XPO1: variants seen among roughly 807,000 people sequenced by gnomAD.
The protein encoded by XPO1 is exportin 1.
Under a neutral mutation model 133.3 loss-of-function variants are expected in XPO1, and 5 were observed. That is an observed-to-expected ratio of 0.04 (90% CI 0.02 to 0.08). The LOEUF is 0.08. Ranked by LOEUF, XPO1 falls within the 10% of genes least tolerant of loss-of-function variation. The pLI, the probability that XPO1 is intolerant of heterozygous loss-of-function variation, is 1.00. For missense variants in XPO1, 506 were observed against 1,267.5 expected (o/e 0.40, Z 9.12); for synonymous variants, 419 against 408.2 (o/e 1.03, Z -0.32).
chr2:61,491,229 G>A (rs1300611841), intron 16 of XPO1, among the ~76,000 whole-genome samples: 1 of 151,974 alleles, frequency 6.6e-6, no homozygotes, highest in Non-Finnish European at 1.5e-5. Context: ...TTGGGAGGCC[G>A]AGGCGGGCGG....
At chr2:61,501,928 T>A (rs1457800476) in intron 6 of XPO1, 68 bp downstream of exon 6, 2 of 1,325,328 alleles carry the variant, frequency 1.5e-6, no homozygotes, top group Non-Finnish European at 2.1e-6. Flanking sequence ...ATTTCCTAAG[T>A]AGGTCGAACA....
chr2:61,536,992 G>T (rs1253786342), intron 1 of XPO1: 2 of 152,232 alleles, frequency 1.3e-5, no homozygotes, highest in Non-Finnish European at 2.9e-5. Flanking sequence ...CCCATGTGCA[G>T]GCCCCTGAAA....
chr2:61,502,336 A>T, intron 4 of XPO1, 26 bp from the exon 5 acceptor site: 1 of 1,601,716 alleles, frequency 6.2e-7, no homozygotes, highest in Non-Finnish European at 8.5e-7. Context: ...CACGTAATAA[A>T]AAAATTGTTG....
intron 9 of XPO1, among the ~76,000 whole-genome samples, chr2:61,497,734 C>T (rs893026580): frequency 7.2e-5 from 11 of 152,036 alleles, no homozygotes; most frequent in Admixed American, 1.3e-4. Flanking sequence ...AAACAGTTAT[C>T]GTCTGGGGTT....
intron 21 of XPO1, chr2:61,483,462 C>A (rs1005722405): frequency 3.0e-5 from 6 of 196,932 alleles, no homozygotes; most frequent in Non-Finnish European, 6.1e-5. Context: ...TCATACTGCT[C>A]ACATGACAGG....
intron 10 of XPO1, among the ~76,000 whole-genome samples, 200 bp from the exon 11 acceptor site, chr2:61,495,813 G>C (rs147833113): frequency 6.6e-6 from 1 of 151,956 alleles, no homozygotes; most frequent in South Asian, 2.1e-4. Flanking sequence ...GGAACCACAG[G>C]TATGTGCCAT....
intron 4 of XPO1, among the ~76,000 whole-genome samples, chr2:61,516,025 C>T (rs1698370485): frequency 6.7e-6 from 1 of 150,228 alleles, no homozygotes; most frequent in South Asian, 2.1e-4. Context: ...ACTCAGGAGG[C>T]TGAGGCAGAA....
intron 4 of XPO1, among the ~76,000 whole-genome samples, chr2:61,511,010 G>GTAT (rs1351215211): frequency 1.3e-5 from 2 of 151,776 alleles, no homozygotes; most frequent in East Asian, 3.9e-4. Flanking sequence ...TCAAGTATAG[G>GTAT]CCTTTCATGG....
intron 11 of XPO1, among the ~76,000 whole-genome samples, chr2:61,494,905 G>C (rs1041295016): frequency 6.6e-6 from 1 of 151,696 alleles, no homozygotes; most frequent in African/African-American, 2.4e-5. Flanking sequence ...GCAGTACTGT[G>C]ATCTTGGCTC....
At chr2:61,481,686 C>CT (rs1307294752) in intron 23 of XPO1, among the ~76,000 whole-genome samples, 1 of 151,888 alleles carries the variant, frequency 6.6e-6, no homozygotes, top group Non-Finnish European at 1.5e-5. Flanking sequence ...CTCAGGTAAT[C>CT]TGCCCGCCTA....
At chr2:61,532,948 C>G (rs1007221407) in intron 2 of XPO1, among the ~76,000 whole-genome samples, 1 of 152,086 alleles carries the variant, frequency 6.6e-6, no homozygotes, top group Non-Finnish European at 1.5e-5. Context: ...GAGGCCGAGT[C>G]AGGTGGATCA....
At chr2:61,479,394 G>A (rs966522886) in intron 24 of XPO1, among the ~76,000 whole-genome samples, 5 of 151,986 alleles carry the variant, frequency 3.3e-5, no homozygotes, top group Non-Finnish European at 7.4e-5. Flanking sequence ...GGAGGTTGCA[G>A]TGAGCCAAGA....
chr2:61,528,146 T>G (rs1698988204), intron 2 of XPO1, among the ~76,000 whole-genome samples: 1 of 151,900 alleles, frequency 6.6e-6, no homozygotes. Flanking sequence ...AGGCTGGTCT[T>G]GAACTCCTGA....
At chr2:61,490,131 C>T (rs1332501496) in intron 17 of XPO1, among the ~76,000 whole-genome samples, 1 of 151,654 alleles carries the variant, frequency 6.6e-6, no homozygotes, top group Non-Finnish European at 1.5e-5. Context: ...CCTAGTGATC[C>T]ACCCGTCTCG....
chr2:61,482,713 C>T (rs530091366), intron 22 of XPO1, 174 bp from the exon 23 acceptor site: 7 of 760,482 alleles, frequency 9.2e-6, no homozygotes, highest in Non-Finnish European at 1.4e-5. Flanking sequence ...CCAAGCCATT[C>T]TCCTGCCTCA....
chr2:61,490,505 A>T (rs1696928729), intron 17 of XPO1, 137 bp downstream of exon 17: 1 of 1,276,848 alleles, frequency 7.8e-7, no homozygotes, highest in Non-Finnish European at 1.1e-6. Flanking sequence ...CGCCCAGATA[A>T]TAAATTATAG....
intron 3 of XPO1, among the ~76,000 whole-genome samples, chr2:61,523,310 G>T (rs551673961): frequency 2.5e-4 from 38 of 152,084 alleles, no homozygotes; most frequent in Non-Finnish European, 5.1e-4. Context: ...AATCACAAAC[G>T]CATGTTGCAA....
chr2:61,495,651 T>A (rs200593654), intron 10 of XPO1, 38 bp from the exon 11 acceptor site: 1 of 1,508,002 alleles, frequency 6.6e-7, no homozygotes, highest in South Asian at 1.3e-5. Flanking sequence ...TCGCATTTTA[T>A]AAAACAACTA....
At chr2:61,522,026 G>C (rs550423708) in intron 4 of XPO1, among the ~76,000 whole-genome samples, 4 of 152,158 alleles carry the variant, frequency 2.6e-5, no homozygotes, top group Non-Finnish European at 5.9e-5. Context: ...ACGAAGTCCT[G>C]GGATTACAGG....
Sources: gnomAD v4.1 joint callset for allele counts (sites outside exome capture counted in the v4.1 genomes callset) on GRCh38, gnomAD v4.1.1 for gene constraint, MANE v1.5 for transcripts, NCBI Gene and HGNC (gene_info 2026-07-23, HGNC 2026-07-21) for gene names.